Variants in REC114 observed in about 807,000 individuals in gnomAD.
REC114 encodes the protein meiotic recombination protein REC114.
A neutral mutation model predicts 31.3 loss-of-function variants in REC114; 27 were observed. The ratio of observed to expected loss-of-function variants is 0.86; its 90% CI spans 0.64 to 1.19. REC114 has a LOEUF of 1.19. Ranked by LOEUF, REC114 falls within the 50% of genes most tolerant of loss-of-function variation. The pLI is 0.00. For synonymous variants in REC114, 134 were observed against 127.7 expected (o/e 1.05, Z -0.33); for missense variants, 344 against 326.9 (o/e 1.05, Z -0.40).
intron 3 of REC114, among the ~76,000 whole-genome samples, chr15:73,547,591 C>T (rs565254655): frequency 2.0e-5 from 3 of 152,270 alleles, no homozygotes; most frequent in Non-Finnish European, 4.4e-5. Context: ...TATCTGCACC[C>T]CCATGTTTGT....
intron 2 of REC114, among the ~76,000 whole-genome samples, chr15:73,518,801 A>G (rs1199482246): frequency 6.6e-6 from 1 of 152,248 alleles, no homozygotes; most frequent in Non-Finnish European, 1.5e-5. Context: ...CTTTATAGGT[A>G]ATCTTTTGAC....
chr15:73,537,493 C>T (rs908157244), intron 2 of REC114, among the ~76,000 whole-genome samples: 3 of 146,972 alleles, frequency 2.0e-5, no homozygotes, highest in Admixed American at 1.3e-4. Flanking sequence ...GGTATCCCCC[C>T]CTGAATCAAC....
chr15:73,556,288 T>A lies in REC114; in HGVS notation c.547-14T>A. 6.2e-7 allele frequency: 1 copy of A among 1,609,266 alleles called. No individual in the cohort carries two copies. Among genetic ancestry groups the A allele is most frequent in the Non-Finnish European group, 8.5e-7 (1 of 1,177,888 alleles). ...ATTCAGCTAGTCTCCTTATTGCATG[T>A]TGTTTTATTCCAGTCCCACCAGCAC... On this transcript the variant is annotated splice_polypyrimidine_tract_variant and intron_variant, in intron 4 of 5. Coordinates refer to ENST00000331090, the MANE Select transcript of REC114 (RefSeq NM_001042367.2).
intron 2 of REC114, among the ~76,000 whole-genome samples, chr15:73,537,745 A>G (rs140211118): frequency 3.6e-3 from 552 of 152,374 alleles, no homozygotes; most frequent in African/African-American, 0.013. Flanking sequence ...TCATACATGC[A>G]TAAGAAGCTT....
At chr15:73,492,084 A>C (rs959010461) in intron 2 of REC114, among the ~76,000 whole-genome samples, 1 of 152,108 alleles carries the variant, frequency 6.6e-6, no homozygotes, top group African/African-American at 2.4e-5. Flanking sequence ...AGTGAAGCAC[A>C]TTTTTTATAT....
In REC114 at chr15:73,471,026, G is replaced by A. The variant is rs143440641; in HGVS notation, c.160-2806G>A. On this transcript the variant is annotated intron_variant, in intron 1 of 5. Transcript: ENST00000331090. The stretch of plus-strand genomic sequence containing the variant: ...GTGGAGGGCCTAGACCGTGGAGTGC[G>A]TTGCAGGAGCTTCTGAATGAGATAG... Among the ~76,000 whole-genome samples the A allele has an allele frequency of 5.6e-3, 857 of 152,284 alleles. 15 individuals are homozygous for A. The highest frequency in any genetic ancestry group is 0.019 in the African/African-American group (810 of 41,558).
chr15:73,501,680 A>G (rs2141308688), intron 2 of REC114, among the ~76,000 whole-genome samples: 1 of 152,190 alleles, frequency 6.6e-6, no homozygotes. Flanking sequence ...CCTGACCTCA[A>G]TTGATCCACT....
At chr15:73,527,004 G>T (rs1894018043) in intron 2 of REC114, among the ~76,000 whole-genome samples, 1 of 151,878 alleles carries the variant, frequency 6.6e-6, no homozygotes, top group African/African-American at 2.4e-5. Flanking sequence ...TAGAGATAGG[G>T]TCTCATTATG....
At chr15:73,471,229 G>A (rs1038232718) in intron 1 of REC114, among the ~76,000 whole-genome samples, 1 of 152,176 alleles carries the variant, frequency 6.6e-6, no homozygotes. Flanking sequence ...TGATAATTTA[G>A]ACAAGACCTA....
chr15:73,452,785 A>G (rs1465514144), intron 1 of REC114, among the ~76,000 whole-genome samples: 3 of 152,250 alleles, frequency 2.0e-5, no homozygotes, highest in Non-Finnish European at 4.4e-5. Flanking sequence ...CAAAACAGAT[A>G]TATAGACCAA....
intron 1 of REC114, among the ~76,000 whole-genome samples, chr15:73,447,097 C>G (rs1892775190): frequency 6.6e-6 from 1 of 152,116 alleles, no homozygotes. Flanking sequence ...TTCTGGGTTT[C>G]TAGCAGAAGC....
At chr15:73,445,065 T>C (rs1892747222) in intron 1 of REC114, among the ~76,000 whole-genome samples, 1 of 152,236 alleles carries the variant, frequency 6.6e-6, no homozygotes, top group African/African-American at 2.4e-5. Context: ...TGTGCTATCA[T>C]CCAGGCTTTG....
intron 2 of REC114, among the ~76,000 whole-genome samples, chr15:73,514,311 G>A (rs2141316530): frequency 6.6e-6 from 1 of 151,806 alleles, no homozygotes; most frequent in South Asian, 2.1e-4. Flanking sequence ...CTCGCGCACG[G>A]TGCGCGCACC....
At position 73,540,546 on chromosome 15, in the gene REC114, T is replaced by C; in HGVS notation, c.311T>C (p.Leu104Pro). 6.2e-7 allele frequency: 1 copy of C among 1,613,832 alleles called. No individual in the cohort carries two copies. Among genetic ancestry groups the C allele is most frequent in the Non-Finnish European group, 8.5e-7 (1 of 1,179,694 alleles). ...WLKIVRRVDC[L>P]LFGTTIKDKS... Reference sequence around the variant, plus strand: ...AAGATTGTAAGACGCGTGGATTGTCTGTTGTTTGGAACAACGATAAAGGCA... The same window carrying C: ...AAGATTGTAAGACGCGTGGATTGTCCGTTGTTTGGAACAACGATAAAGGCA... The change falls in exon 3 of 6, where the codon CTG becomes CCG. Residue 104 changes from leucine to proline, a missense_variant. Leu to Pro is a moderately conservative substitution (Grantham distance 98). Transcript: ENST00000331090.
chr15:73,489,200 C>CT (rs60331328), intron 2 of REC114, among the ~76,000 whole-genome samples: 2,917 of 126,176 alleles, frequency 0.023, 66 homozygotes, highest in South Asian at 0.044. Context: ...CCTCCCCCAC[C>CT]TTTTTTTTTT....
At chr15:73,495,245 C>T (rs548001850) in intron 2 of REC114, among the ~76,000 whole-genome samples, 46 of 151,974 alleles carry the variant, frequency 3.0e-4, no homozygotes, top group African/African-American at 9.9e-4. Flanking sequence ...TTTTTCATTT[C>T]CTAGCATATT....
chr15:73,532,592 G>T (rs1331154454), intron 2 of REC114, among the ~76,000 whole-genome samples: 1 of 151,706 alleles, frequency 6.6e-6, no homozygotes, highest in Non-Finnish European at 1.5e-5. Context: ...CTAGTTTACA[G>T]TCCCACCAAC....
chr15:73,511,724 G>A (rs1224602972), intron 2 of REC114, among the ~76,000 whole-genome samples: 2 of 147,870 alleles, frequency 1.4e-5, no homozygotes, highest in African/African-American at 5.0e-5. Flanking sequence ...TCAGGAGCAG[G>A]TTGTTCAGTT....
intron 3 of REC114, among the ~76,000 whole-genome samples, chr15:73,547,687 T>C (rs886191685): frequency 6.6e-6 from 1 of 152,210 alleles, no homozygotes; most frequent in Non-Finnish European, 1.5e-5. Context: ...GTGGTACTTA[T>C]ACACAATGGA....
Sources: gnomAD v4.1 joint callset for allele counts (sites outside exome capture counted in the v4.1 genomes callset) on GRCh38, gnomAD v4.1.1 for gene constraint, MANE v1.5 for transcripts, NCBI Gene and HGNC (gene_info 2026-07-23, HGNC 2026-07-21) for gene names.